The following NAALADL2 variants were observed in gnomAD, a reference collection of about 807,000 sequenced individuals.
NAALADL2 encodes the protein N-acetylated alpha-linked acidic dipeptidase like 2.
In NAALADL2, 76 loss-of-function variants were observed where a neutral mutation model predicts 87.2. That is an observed-to-expected ratio of 0.87 (90% CI 0.72 to 1.05). NAALADL2 has a LOEUF of 1.05. NAALADL2 is among the 50% of genes least tolerant of loss of function. The pLI is 0.00. For missense variants in NAALADL2, 1,089 were observed against 945.8 expected, an observed-to-expected ratio of 1.15 and a Z score of -1.99; for synonymous variants, 354 against 331.0, an observed-to-expected ratio of 1.07 and a Z score of -0.75.
At chr3:175,713,515 T>G (rs1459695781) in intron 11 of NAALADL2, among the ~76,000 whole-genome samples, 1 of 152,092 alleles carries the variant, frequency 6.6e-6, no homozygotes, top group Non-Finnish European at 1.5e-5. Flanking sequence ...CTGAAATGTA[T>G]TTAAAAGAAT....
At position 174,547,630 on chromosome 3, in the gene NAALADL2, C is replaced by A. The variant is rs148564920; in HGVS notation, c.-183-2939C>A. 3.0e-3 allele frequency among the ~76,000 whole-genome samples: 455 copies of A among 152,154 alleles called. 4 individuals carry two copies. Among genetic ancestry groups the A allele is most frequent in the African/African-American group, 0.01 (434 of 41,518 alleles). ...AAAGTCATTTTCCTTTCTCAGCATT[C>A]TGTTTTATTCCTTAGGTCCATATGA... is the stretch of plus-strand genomic sequence containing the variant. On this transcript the variant is annotated intron_variant, in intron 1 of 3. Transcript: ENST00000434257.
chr3:175,297,304 A>G (rs1756511950), intron 4 of NAALADL2, among the ~76,000 whole-genome samples: 1 of 152,234 alleles, frequency 6.6e-6, no homozygotes, highest in African/African-American at 2.4e-5. Context: ...TAGCCGTGTT[A>G]GTACATTAAA....
At chr3:175,802,878 ATATT>A (rs1560033130) in intron 13 of NAALADL2, 123 bp from the exon 14 acceptor site, 1 of 498,990 alleles carries the variant, frequency 2.0e-6, no homozygotes, top group African/African-American at 4.6e-5. Flanking sequence ...AAAAATCGTG[ATATT>A]ATATTTTTAT....
intron 5 of NAALADL2, among the ~76,000 whole-genome samples, chr3:175,383,528 T>C (rs369189572): frequency 1.6e-4 from 24 of 152,138 alleles, no homozygotes; most frequent in African/African-American, 5.5e-4. Flanking sequence ...TGATACTTAT[T>C]CCTCCTGTCT....
intron 3 of NAALADL2, among the ~76,000 whole-genome samples, chr3:174,849,174 T>A (rs768535698): frequency 4.6e-5 from 7 of 152,186 alleles, no homozygotes; most frequent in Non-Finnish European, 1.0e-4. Context: ...TGTAAACTAC[T>A]ATGGACTTTA....
At chr3:174,478,423 A>G (rs1309196892) in intron 1 of NAALADL2, among the ~76,000 whole-genome samples, 1 of 152,112 alleles carries the variant, frequency 6.6e-6, no homozygotes, top group Non-Finnish European at 1.5e-5. Flanking sequence ...TGCATGATGT[A>G]TATATAGATA....
At chr3:174,604,118 C>T (rs535915857) in intron 2 of NAALADL2, among the ~76,000 whole-genome samples, 2 of 151,996 alleles carry the variant, frequency 1.3e-5, no homozygotes, top group Non-Finnish European at 2.9e-5. Flanking sequence ...TTTTTGTTGT[C>T]GTTGATGTTC....
rs557067377 is a variant in NAALADL2, at chr3:175,584,569, G to T, written c.1800+8382G>T. 9.2e-5 allele frequency among the ~76,000 whole-genome samples: 14 copies of T among 152,276 alleles called. No homozygotes were observed. In the South Asian group the frequency reaches 2.3e-3, roughly 25 times the overall value. Reference sequence around the variant, plus strand: ...AAATATGTTCTGAGAAATGTCATTAGGTGATTTTGTTGTGTAAACATCATG... The same window carrying T: ...AAATATGTTCTGAGAAATGTCATTATGTGATTTTGTTGTGTAAACATCATG... On this transcript the variant is annotated intron_variant, in intron 10 of 13. Coordinates refer to ENST00000454872, the MANE Select transcript of NAALADL2 (RefSeq NM_207015.3).
intron 11 of NAALADL2, among the ~76,000 whole-genome samples, chr3:175,648,938 GAAATAAA>G (rs1730388114): frequency 6.6e-6 from 1 of 152,122 alleles, no homozygotes; most frequent in Admixed American, 6.5e-5. Context: ...ATTTAGTTCA[GAAATAAA>G]AAATTAAGTG....
At chr3:175,516,844 C>T (rs1257564960) in intron 9 of NAALADL2, among the ~76,000 whole-genome samples, 3 of 152,076 alleles carry the variant, frequency 2.0e-5, no homozygotes, top group Non-Finnish European at 2.9e-5. Flanking sequence ...GTTAGTGTCA[C>T]TTCTGTTAAC....
At chr3:175,358,639 A>G (rs1764651793) in intron 5 of NAALADL2, among the ~76,000 whole-genome samples, 1 of 152,132 alleles carries the variant, frequency 6.6e-6, no homozygotes, top group Non-Finnish European at 1.5e-5. Flanking sequence ...TAGGAAATAA[A>G]CTCAATTTTT....
intron 4 of NAALADL2, among the ~76,000 whole-genome samples, chr3:175,268,330 TATAAG>T (rs960938549): frequency 4.6e-5 from 7 of 152,124 alleles, no homozygotes; most frequent in Non-Finnish European, 8.8e-5. Flanking sequence ...AAAAATATGA[TATAAG>T]AGACAAAAAC....
intron 9 of NAALADL2, among the ~76,000 whole-genome samples, chr3:175,544,247 A>T (rs755501026): frequency 6.6e-6 from 1 of 152,210 alleles, no homozygotes; most frequent in Non-Finnish European, 1.5e-5. Flanking sequence ...ATTATTTTTG[A>T]TAAACAAGCT....
In NAALADL2 at chr3:175,790,637, G is replaced by GAAAT. The variant is rs557001122; in HGVS notation, c.2190-12366_2190-12363dup. On this transcript the variant is annotated intron_variant, in intron 13 of 13. Coordinates refer to ENST00000454872, the MANE Select transcript of NAALADL2 (RefSeq NM_207015.3). The stretch of plus-strand genomic sequence containing the variant: ...TTTCAGTTTCCTCACCTTGGAGCAA[G>GAAAT]AAATAGGCACTTGCAATGCAGATTT... Among the ~76,000 whole-genome samples, 496 of 152,222 alleles carry GAAAT rather than the reference G, an allele frequency of 3.3e-3. 1 individual carries two copies. Among genetic ancestry groups the GAAAT allele is most frequent in the African/African-American group, 0.011 (476 of 41,542 alleles).
At chr3:175,500,885 T>C (rs923667081) in intron 9 of NAALADL2, among the ~76,000 whole-genome samples, 4 of 152,130 alleles carry the variant, frequency 2.6e-5, no homozygotes, top group African/African-American at 9.7e-5. Context: ...AATAATTCTC[T>C]ACACACACAG....
At chr3:174,491,747 A>T (rs1186640219) in intron 1 of NAALADL2, among the ~76,000 whole-genome samples, 2 of 152,136 alleles carry the variant, frequency 1.3e-5, no homozygotes, top group Admixed American at 6.5e-5. Flanking sequence ...ATATTTCATG[A>T]TTACTTCTCA....
chr3:175,772,521 G>C (rs990858997), intron 13 of NAALADL2, among the ~76,000 whole-genome samples: 2 of 152,152 alleles, frequency 1.3e-5, no homozygotes, highest in Non-Finnish European at 2.9e-5. Flanking sequence ...GTTCATTCTA[G>C]TAGTAGAAGT....
chr3:175,480,498 T>C lies in NAALADL2; in HGVS notation c.1653+8740T>C, dbSNP rs570370255. On this transcript the variant is annotated intron_variant, in intron 9 of 13. Coordinates refer to ENST00000454872, the MANE Select transcript of NAALADL2 (RefSeq NM_207015.3). ...GTGAGGTTTAGGGAGAAAAATCTGT[T>C]TTAGAATCATAGCATCAAAAGTAGT... 3.3e-5 allele frequency among the ~76,000 whole-genome samples: 5 copies of C among 152,002 alleles called. No individual in the cohort carries two copies. In the East Asian group the frequency reaches 9.7e-4, roughly 29 times the overall value.
At chr3:175,182,114 T>C (rs1319740116) in intron 2 of NAALADL2, among the ~76,000 whole-genome samples, 3 of 152,022 alleles carry the variant, frequency 2.0e-5, no homozygotes, top group African/African-American at 4.8e-5. Context: ...GGATATCTCA[T>C]TGTAGTTTTA....
Sources: allele counts gnomAD v4.1 joint callset (sites outside exome capture counted in the v4.1 genomes callset), GRCh38; gene constraint gnomAD v4.1.1; transcripts MANE v1.5; gene names NCBI Gene and HGNC (gene_info 2026-07-23, HGNC 2026-07-21).